The following PEX6 variants were observed in gnomAD, a reference collection of about 807,000 sequenced individuals.
PEX6 encodes the protein peroxisomal biogenesis factor 6, also known as peroxisome biogenesis factor 6.
In PEX6, 55 loss-of-function variants were observed where a neutral mutation model predicts 85.6. That is an observed-to-expected ratio of 0.64 (90% CI 0.52 to 0.80). The LOEUF (loss-of-function observed/expected upper bound fraction) is 0.80. Ranked by LOEUF, PEX6 falls within the 30% of genes least tolerant of loss-of-function variation. The probability of loss-of-function intolerance (pLI) is 0.00; values close to 1 mark genes in which losing one functional copy is unlikely to be tolerated. For missense variants in PEX6, 1,099 were observed against 1,260.3 expected (o/e 0.87, Z 1.94); for synonymous variants, 519 against 549.1 (o/e 0.95, Z 0.77).
chr6:42,965,842 G>T lies in PEX6; in HGVS notation c.2363-53C>A, dbSNP rs2114238873. On this transcript the variant is annotated intron_variant, in intron 12 of 16. Coordinates refer to ENST00000304611, the MANE Select transcript of PEX6 (RefSeq NM_000287.4). This position sits in a 1 kb window ranked among gnomAD's most constrained non-coding sequence, Gnocchi z 5.0. ...GGCAAAGCTCGGCTTGTGGGGGGTT[G>T]AAGTTAGGTGAGAGCAGGGAGGGAA... 6.7e-7 allele frequency: 1 copy of T among 1,501,368 alleles called. No homozygotes were observed. The highest frequency in any genetic ancestry group is 9.3e-7 in the Non-Finnish European group (1 of 1,078,798). The allele number at this position is 1,501,368 out of a possible 1,614,324, so 93.0% of individuals were successfully genotyped here.
chr6:42,964,669 G>A lies in PEX6; in HGVS notation c.2806+121C>T, dbSNP rs1769666955. 2 of 1,390,478 alleles carry A rather than the reference G, an allele frequency of 1.4e-6. No homozygotes were observed. The highest frequency in any genetic ancestry group is 2.0e-6 in the Non-Finnish European group (2 of 982,360). The allele number at this position is 1,390,478 out of a possible 1,614,324, so 86.1% of individuals were successfully genotyped here. On this transcript the variant is annotated intron_variant, in intron 16 of 16. Coordinates refer to ENST00000304611, the MANE Select transcript of PEX6 (RefSeq NM_000287.4). The surrounding 1 kb of genome is among the most constrained non-coding windows in gnomAD (Gnocchi z 4.6). ...GGGGTCTCTCTGTGTTGCCCAGGCT[G>A]GCCTCAAACTCCTGGGCTCAAGCGA...
Position 42,968,292 on chromosome 6 carries a change from G to GT in PEX6, c.1685dup (p.Asn562LysfsTer21). The GT allele has an allele frequency of 6.2e-7, 1 of 1,613,772 alleles. No homozygotes were observed. The highest frequency in any genetic ancestry group is 8.5e-7 in the Non-Finnish European group (1 of 1,179,712). On this transcript the variant is annotated frameshift_variant, in exon 7 of 17. Transcript: ENST00000304611. LOFTEE classifies it high-confidence loss of function. ...GAGGCCCAGCTCTGTATAAGTACCT[G>GT]TTGAGGGGGTCCTCATTGAGGAGGA...
At chr6:42,974,835 G>A in intron 2 of PEX6, 40 bp downstream of exon 2, 2 of 1,568,626 alleles carry the variant, frequency 1.3e-6, no homozygotes, top group Non-Finnish European at 1.8e-6. Context: ...AATGTAATGA[G>A]GGTGAGAAGC....
At chr6:42,969,578 G>A in intron 5 of PEX6, 90 bp downstream of exon 5, 1 of 1,533,122 alleles carries the variant, frequency 6.5e-7, no homozygotes, top group East Asian at 2.2e-5. Context: ...ACTCTGGCCA[G>A]TTCATTAGGA....
intron 1 of PEX6, 86 bp downstream of exon 1, chr6:42,978,183 C>T: frequency 6.8e-7 from 1 of 1,474,644 alleles, no homozygotes; most frequent in Non-Finnish European, 9.5e-7. Context: ...ATATGGGGCA[C>T]GAGTCCTAAA....
In PEX6 at chr6:42,978,711, C is replaced by T; in HGVS notation, c.440G>A (p.Gly147Glu). ...RVLETRPALQ[G>E]LLGPGTRLAV... The stretch of plus-strand genomic sequence containing the variant: ...CAGCCGAGTCCCTGGGCCCAGCAGC[C>T]CTTGCAACGCCGGCCGCGTCTCCAG... Residue 147 changes from glycine to glutamate, a missense_variant, in exon 1 of 17, where the codon GGG (glycine) becomes GAG (glutamate). Transcript: ENST00000304611. 6.5e-7 allele frequency: 1 copy of T among 1,542,726 alleles called. No homozygotes were observed. The highest frequency in any genetic ancestry group is 8.7e-7 in the Non-Finnish European group (1 of 1,150,594).
chr6:42,977,768 C>CAAAA (rs200706906), intron 1 of PEX6, among the ~76,000 whole-genome samples: 12 of 51,720 alleles, frequency 2.3e-4, no homozygotes, highest in Non-Finnish European at 2.7e-4. Context: ...GACCCCATCT[C>CAAAA]AAAAAAAAAA....
chr6:42,968,621 G>T (rs113866814), intron 6 of PEX6, 123 bp from the exon 7 acceptor site: 3 of 928,052 alleles, frequency 3.2e-6, no homozygotes, highest in African/African-American at 1.6e-5. Context: ...GGACAGGGAA[G>T]GTACCCTGGC....
chr6:42,964,298 A>G lies in PEX6; in HGVS notation c.*37T>C. 1 of 1,612,166 alleles carries G rather than the reference A, an allele frequency of 6.2e-7. No individual in the cohort carries two copies. The highest frequency in any genetic ancestry group is 8.5e-7 in the Non-Finnish European group (1 of 1,179,132). Reference sequence around the variant, plus strand: ...CTCTGTGGGCTATCAAGGTACCTGCAGCCATGCTGAGCGGGGTCCCAGACC... The same window carrying G: ...CTCTGTGGGCTATCAAGGTACCTGCGGCCATGCTGAGCGGGGTCCCAGACC... On this transcript the variant is annotated 3_prime_UTR_variant, in exon 17 of 17. Transcript: ENST00000304611. The surrounding 1 kb of genome is among the most constrained non-coding windows in gnomAD (Gnocchi z 4.6).
In PEX6 at chr6:42,979,070, G is replaced by T; in HGVS notation, c.81C>A (p.Gly27=). The change falls in exon 1 of 17, where the codon GGC becomes GGA. Residue 27 remains glycine, a synonymous_variant. Coordinates refer to ENST00000304611, the MANE Select transcript of PEX6 (RefSeq NM_000287.4). ...GGCCCAGCTCCGCCGCCGGCCACGG[G>T]CCCCCGGGTGGCAGCAGCACTGCCA... ...PPLAVLLPPG[G]PWPAAELGLV... is the part of the protein sequence containing the mutation. 1 of 1,540,518 alleles carries T rather than the reference G, an allele frequency of 6.5e-7. No individual in the cohort carries two copies. The highest frequency in any genetic ancestry group is 2.4e-5 in the East Asian group (1 of 41,258).
rs1297770639 is a variant in PEX6, at chr6:42,966,854, A to C, written c.1889T>G (p.Phe630Cys). The C allele has an allele frequency of 2.5e-6, 4 of 1,612,040 alleles. No individual in the cohort carries two copies. The highest frequency in any genetic ancestry group is 2.5e-6 in the Non-Finnish European group (3 of 1,179,766). ...AAGGGCATAGAGATCCCCTACCACA[A>C]AGCCCTAGGGAACCACAGGAAAGGA... ...LAQLARRCAG[F>C]VVGDLYALLT... The change falls in exon 9 of 17, where the codon TTT (phenylalanine) becomes TGT (cysteine). Residue 630 changes from phenylalanine to cysteine, a missense_variant. Phe to Cys is a radical substitution (Grantham distance 205, BLOSUM62 -2). Transcript: ENST00000304611.
At chr6:42,973,467 A>C (rs1427554908) in intron 3 of PEX6, among the ~76,000 whole-genome samples, 1 of 152,178 alleles carries the variant, frequency 6.6e-6, no homozygotes, top group Non-Finnish European at 1.5e-5. Context: ...TGGGATTATA[A>C]GTATGCACTA....
chr6:42,964,712 C>G lies in PEX6; in HGVS notation c.2806+78G>C. On this transcript the variant is annotated intron_variant, in intron 16 of 16. Coordinates refer to ENST00000304611, the MANE Select transcript of PEX6 (RefSeq NM_000287.4). This position sits in a 1 kb window ranked among gnomAD's most constrained non-coding sequence, Gnocchi z 4.6. ...TCAAGCGATCCTCCCACCTCAGCCT[C>G]TCAAGTAGCTGGGACTCAGGTGCAC... 1 of 1,584,596 alleles carries G rather than the reference C, an allele frequency of 6.3e-7. No homozygotes were observed. Among genetic ancestry groups the G allele is most frequent in the Non-Finnish European group, 8.7e-7 (1 of 1,154,678 alleles).
At chr6:42,972,489 G>A (rs1007259544) in intron 3 of PEX6, among the ~76,000 whole-genome samples, 41 of 152,152 alleles carry the variant, frequency 2.7e-4, no homozygotes, top group African/African-American at 8.7e-4. Context: ...AGAAATCCCT[G>A]GCTGGGTGCG....
intron 3 of PEX6, 109 bp from the exon 4 acceptor site, chr6:42,970,096 G>T: frequency 2.4e-6 from 2 of 841,412 alleles, no homozygotes. Context: ...ACAAGAGCGT[G>T]TCCCGAGTCA....
At chr6:42,968,196 T>C (rs1462237782) in intron 7 of PEX6, 94 bp downstream of exon 7, 2 of 1,052,942 alleles carry the variant, frequency 1.9e-6, no homozygotes, top group Non-Finnish European at 3.0e-6. Flanking sequence ...GTGATCCACC[T>C]GCCTCGGCCT....
In PEX6 at chr6:42,965,594, A is replaced by G. The variant is rs1769754897; in HGVS notation, c.2471+87T>C. On this transcript the variant is annotated intron_variant, in intron 13 of 16. Transcript: ENST00000304611. The surrounding 1 kb of genome is among the most constrained non-coding windows in gnomAD (Gnocchi z 5.0). ...CAGAACTGAAACAGCAGGAACTTCT[A>G]TCTCTGGACTCTGAAGACTGCTGTG... 6 of 1,013,968 alleles carry G rather than the reference A, an allele frequency of 5.9e-6. No individual in the cohort carries two copies. Among genetic ancestry groups the G allele is most frequent in the African/African-American group, 1.6e-5 (1 of 63,156 alleles). The allele number at this position is 1,013,968 out of a possible 1,614,324, so 62.8% of individuals were successfully genotyped here. A position where few individuals can be genotyped will look rare whatever the true frequency, so the allele number is the denominator to read the frequency against.
intron 1 of PEX6, among the ~76,000 whole-genome samples, chr6:42,977,413 C>T (rs1161611727): frequency 6.6e-6 from 1 of 151,992 alleles, no homozygotes; most frequent in East Asian, 1.9e-4. Flanking sequence ...CCACCACACC[C>T]AAACTTCACC....
intron 3 of PEX6, 30 bp downstream of exon 3, chr6:42,973,973 C>A (rs1425067505): frequency 6.6e-7 from 1 of 1,522,188 alleles, no homozygotes; most frequent in Admixed American, 1.7e-5. Flanking sequence ...GTTACAAATC[C>A]CAGCTGTAGG....
Sources: allele counts gnomAD v4.1 joint callset (sites outside exome capture counted in the v4.1 genomes callset), GRCh38; gene constraint gnomAD v4.1.1; non-coding constraint Gnocchi (gnomAD v3.1); transcripts MANE v1.5; gene names NCBI Gene and HGNC (gene_info 2026-07-23, HGNC 2026-07-21).